The following TDRD1 variants were observed in gnomAD, a reference collection of about 807,000 sequenced individuals.
TDRD1 encodes tudor domain containing 1.
A neutral mutation model predicts 140.6 loss-of-function variants in TDRD1; 37 were observed. The observed-to-expected ratio is 0.26, with a 90% CI of 0.20 to 0.35. The LOEUF (loss-of-function observed/expected upper bound fraction) is 0.35. Ranked by LOEUF, TDRD1 falls within the 10% of genes least tolerant of loss-of-function variation. The pLI is 1.00. For missense variants in TDRD1, 1,243 were observed against 1,393.0 expected, an observed-to-expected ratio of 0.89 and a Z score of 1.71; for synonymous variants, 506 against 475.7, an observed-to-expected ratio of 1.06 and a Z score of -0.83.
Position 114,221,581 on chromosome 10 carries a change from C to T in TDRD1, c.2890+105C>T, listed in dbSNP as rs1170890351. 6 of 1,134,832 alleles carry T rather than the reference C, an allele frequency of 5.3e-6. No homozygotes were observed. The African/African-American group carries it at 7.8e-5, about 15-fold the overall frequency. 70.3% of individuals were successfully genotyped at this position (1,134,832 alleles called of 1,614,324 possible). A position where few individuals can be genotyped will look rare whatever the true frequency, so the allele number is the denominator to read the frequency against. On this transcript the variant is annotated intron_variant, in intron 20 of 25. Transcript: ENST00000251864. Reference sequence around the variant, plus strand: ...GGAATGAAGGGGAGAAAGAGGCTCACTGTTTTAAGGAAGAACTGATCATAA... The same window carrying T: ...GGAATGAAGGGGAGAAAGAGGCTCATTGTTTTAAGGAAGAACTGATCATAA...
At chr10:114,198,578 A>T (rs567725639) in intron 3 of TDRD1, among the ~76,000 whole-genome samples, 1 of 152,186 alleles carries the variant, frequency 6.6e-6, no homozygotes, top group Non-Finnish European at 1.5e-5. Context: ...TAGAGCAGTT[A>T]ATGTTAAGTT....
At chr10:114,222,157 T>C (rs2133167552) in intron 20 of TDRD1, among the ~76,000 whole-genome samples, 1 of 152,326 alleles carries the variant, frequency 6.6e-6, no homozygotes, top group East Asian at 1.9e-4. Flanking sequence ...CTTTATTCTG[T>C]GTACTAAAAA....
At chr10:114,226,861 A>C (rs1397917754) in intron 22 of TDRD1, among the ~76,000 whole-genome samples, 1 of 152,164 alleles carries the variant, frequency 6.6e-6, no homozygotes, top group Non-Finnish European at 1.5e-5. Context: ...CGTGCCCTCT[A>C]GTCCAAGATT....
chr10:114,232,316 A>C (rs559347696), downstream of TDRD1: 4 of 152,082 alleles, frequency 2.6e-5, no homozygotes, highest in African/African-American at 4.8e-5. Context: ...AAAAAAAAAA[A>C]AAAACGAAGA....
intron 20 of TDRD1, 76 bp downstream of exon 20, chr10:114,221,552 T>C: frequency 7.1e-7 from 1 of 1,409,814 alleles, no homozygotes; most frequent in South Asian, 1.2e-5. Flanking sequence ...CTTGAATTCC[T>C]TTGGGAATGA....
rs58887319 is a variant in TDRD1 at position 114,197,661 on chromosome 10, C to CT, written c.385-1496dup. On this transcript the variant is annotated intron_variant, in intron 3 of 25. Coordinates refer to ENST00000251864, the Ensembl canonical transcript of TDRD1. ...CTGGGATATCTTGGGTATTATGAGA[C>CT]TTTTTTTTTTTTTTTTGATTGAGTC... Among the ~76,000 whole-genome samples, 1,424 of 134,162 alleles carry CT rather than the reference C, an allele frequency of 0.011. 39 individuals are homozygous for CT. The East Asian group carries it at 0.11, about 11-fold the overall frequency. 88.0% of individuals were successfully genotyped at this position (134,162 alleles called of 152,430 possible). A position where few individuals can be genotyped will look rare whatever the true frequency, so the allele number is the denominator to read the frequency against.
chr10:114,190,985 C>G (rs1589662917), exon 3 of TDRD1: 1 of 1,614,038 alleles, frequency 6.2e-7, no homozygotes, highest in Non-Finnish European at 8.5e-7. Context: ...CCACCAAGTG[C>G]TGAAAGTAAT....
chr10:114,184,970 AAAGGAATATTC>A (rs1318668777), intron 1 of TDRD1, among the ~76,000 whole-genome samples: 1 of 152,130 alleles, frequency 6.6e-6, no homozygotes, highest in Non-Finnish European at 1.5e-5. Flanking sequence ...GTGTTGAAAA[AAAGGAATATTC>A]TTGGTTGTAT....
At chr10:114,219,855 G>C (rs1228968550) in intron 18 of TDRD1, among the ~76,000 whole-genome samples, 1 of 152,120 alleles carries the variant, frequency 6.6e-6, no homozygotes, top group African/African-American at 2.4e-5. Flanking sequence ...ACCTCCCAAA[G>C]TGCTGGGATT....
chr10:114,198,528 G>A (rs905893834), intron 3 of TDRD1, among the ~76,000 whole-genome samples: 24 of 152,196 alleles, frequency 1.6e-4, no homozygotes, highest in Admixed American at 3.3e-4. Context: ...TCCCTTTGTG[G>A]GTGGGAGTGG....
At chr10:114,220,792 G>A (rs1192890458) in exon 19 of TDRD1, 1 of 1,611,914 alleles carries the variant, frequency 6.2e-7, no homozygotes, top group African/African-American at 1.3e-5. Flanking sequence ...CTTACCAAAT[G>A]ACAGACTTGT....
chr10:114,204,099 C>T (rs577095884), exon 9 of TDRD1: 9 of 1,605,994 alleles, frequency 5.6e-6, no homozygotes, highest in East Asian at 4.5e-5. Flanking sequence ...TCATACAAAA[C>T]GTTGATGTGC....
rs556883474 is a variant in TDRD1, at chr10:114,189,727, G to A, written c.326-1234G>A. Among the ~76,000 whole-genome samples the A allele has an allele frequency of 4.6e-5, 7 of 152,284 alleles. 1 individual carries two copies. The East Asian group carries it at 1.3e-3, about 29-fold the overall frequency. On this transcript the variant is annotated intron_variant, in intron 2 of 25. Coordinates refer to ENST00000251864, the Ensembl canonical transcript of TDRD1. ...CTGCCTCAGCCTCCCAAAACCCTGGGATTACGGGCATGAACCACCGCACCA... is the reference window on the plus strand; with the variant it reads ...CTGCCTCAGCCTCCCAAAACCCTGGAATTACGGGCATGAACCACCGCACCA...
intron 3 of TDRD1, among the ~76,000 whole-genome samples, chr10:114,192,240 T>C (rs1272455812): frequency 4.6e-5 from 7 of 150,956 alleles, no homozygotes; most frequent in African/African-American, 1.5e-4. Context: ...TGTTTGATAC[T>C]CTGGATCCTG....
Position 114,219,092 on chromosome 10 carries a change from A to G in TDRD1, c.2494+508A>G, listed in dbSNP as rs184928763. Among the ~76,000 whole-genome samples, 694 of 152,320 alleles carry G rather than the reference A, an allele frequency of 4.6e-3. 7 individuals carry two copies. The highest frequency in any genetic ancestry group is 0.015 in the African/African-American group (644 of 41,562). On this transcript the variant is annotated intron_variant, in intron 18 of 25. Transcript: ENST00000251864. ...CAGGGTCTGGCACTCAAAGTTCTAC[A>G]TGTTTAGCTGTCTATTGCACAGTCA...
At position 114,231,621 on chromosome 10, in the gene TDRD1, A is replaced by G. The variant is rs1042794665; in HGVS notation, c.*104A>G. 7.4e-6 allele frequency: 7 copies of G among 951,092 alleles called. No individual in the cohort carries two copies. The African/African-American group carries it at 1.0e-4, about 14-fold the overall frequency. The allele number at this position is 951,092 out of a possible 1,614,324, so 58.9% of individuals were successfully genotyped here. On this transcript the variant is annotated 3_prime_UTR_variant, in exon 26 of 26. Transcript: ENST00000251864. ...TCCACTTTCTCTGTAATGACCTTCT[A>G]TCCCTCCGTTTTTGCCTGCCTGCCA...
intron 18 of TDRD1, among the ~76,000 whole-genome samples, chr10:114,220,242 C>A (rs2036058712): frequency 6.6e-6 from 1 of 152,192 alleles, no homozygotes; most frequent in Non-Finnish European, 1.5e-5. Context: ...ACATCTTCTA[C>A]CAGCATAATG....
chr10:114,230,853 C>T (rs1401557156), intron 25 of TDRD1, among the ~76,000 whole-genome samples: 2 of 151,864 alleles, frequency 1.3e-5, no homozygotes, highest in African/African-American at 2.4e-5. Flanking sequence ...CACATGAGGC[C>T]CAGGAGTTTG....
intron 21 of TDRD1, among the ~76,000 whole-genome samples, chr10:114,223,445 C>A (rs571182846): frequency 1.3e-5 from 2 of 152,350 alleles, no homozygotes; most frequent in East Asian, 3.9e-4. Flanking sequence ...AGTGGCGTTT[C>A]AAAACCCCCC....
Sources: allele counts gnomAD v4.1 joint callset (sites outside exome capture counted in the v4.1 genomes callset), GRCh38; gene constraint gnomAD v4.1.1; transcripts MANE v1.5; gene names NCBI Gene and HGNC (gene_info 2026-07-23, HGNC 2026-07-21).